Variants in IL1R1 observed in about 807,000 individuals in gnomAD.
IL1R1 encodes the protein interleukin-1 receptor type 1.
In IL1R1, 22 loss-of-function variants were observed where a neutral mutation model predicts 50.2. The ratio of observed to expected loss-of-function variants is 0.44; its 90% CI spans 0.31 to 0.63. The LOEUF (loss-of-function observed/expected upper bound fraction) is 0.63, where lower values mean the gene tolerates loss of function less well. Among genes scored for constraint, IL1R1 ranks in the 20% least tolerant of loss-of-function variants. The pLI is 0.07. For missense variants in IL1R1, 509 were observed against 676.2 expected (o/e 0.75, Z 2.74); for synonymous variants, 251 against 236.7 (o/e 1.06, Z -0.55).
intron 1 of IL1R1, among the ~76,000 whole-genome samples, chr2:102,083,565 A>G (rs1240485863): frequency 6.6e-6 from 1 of 152,120 alleles, no homozygotes; most frequent in East Asian, 1.9e-4. Flanking sequence ...ACACCTGATG[A>G]CACACTTAGG....
intron 1 of IL1R1, among the ~76,000 whole-genome samples, chr2:102,071,806 T>C (rs1175178837): frequency 1.3e-5 from 2 of 152,132 alleles, no homozygotes; most frequent in Non-Finnish European, 2.9e-5. Context: ...GAAGGAGGTG[T>C]GAGATCCACC....
intron 1 of IL1R1, among the ~76,000 whole-genome samples, chr2:102,083,097 G>A (rs1378371395): frequency 6.6e-6 from 1 of 152,160 alleles, no homozygotes; most frequent in African/African-American, 2.4e-5. Flanking sequence ...CTGATGCTCC[G>A]CATGAAGGGA....
intron 11 of IL1R1, chr2:102,176,144 G>A (rs1686112881): frequency 2.1e-5 from 11 of 523,776 alleles, no homozygotes; most frequent in Admixed American, 3.5e-5. Flanking sequence ...CCAAGATCAC[G>A]CCACTGCGCT....
intron 3 of IL1R1, among the ~76,000 whole-genome samples, chr2:102,162,073 A>G (rs1473010008): frequency 6.6e-6 from 1 of 152,178 alleles, no homozygotes; most frequent in Non-Finnish European, 1.5e-5. Context: ...TTTGATAATA[A>G]TAGTCACTCA....
chr2:102,093,381 A>T (rs1252182655), intron 1 of IL1R1, among the ~76,000 whole-genome samples: 1 of 152,226 alleles, frequency 6.6e-6, no homozygotes, highest in Non-Finnish European at 1.5e-5. Context: ...TCTAGATTAG[A>T]TAACAGGTAT....
chr2:102,106,293 A>T (rs1412355267), intron 1 of IL1R1, among the ~76,000 whole-genome samples: 1 of 152,158 alleles, frequency 6.6e-6, no homozygotes. Context: ...GGTGTTTACT[A>T]TAAATGTGTT....
chr2:102,093,999 C>G (rs1400229721), intron 1 of IL1R1, among the ~76,000 whole-genome samples: 6 of 152,156 alleles, frequency 3.9e-5, no homozygotes, highest in Non-Finnish European at 8.8e-5. Context: ...ATGATCTGCC[C>G]TGGGGAAAAC....
In IL1R1 at chr2:102,071,997, C is replaced by T. The variant is rs558107261; in HGVS notation, c.-84+1464C>T. ...CTTGGCCGGGTGTGGTAGCTTATGC[C>T]TGTAATCCCAGCACTTTGGGAGGCC... On this transcript the variant is annotated intron_variant, in intron 1 of 11. Transcript: ENST00000409929. Among the ~76,000 whole-genome samples the T allele has an allele frequency of 1.3e-3, 202 of 152,192 alleles. 3 individuals carry two copies. Among genetic ancestry groups the T allele is most frequent in the South Asian group, 3.7e-3 (18 of 4,822 alleles).
At chr2:102,162,814 T>C (rs988745013) in intron 3 of IL1R1, among the ~76,000 whole-genome samples, 3 of 152,176 alleles carry the variant, frequency 2.0e-5, no homozygotes, top group Non-Finnish European at 4.4e-5. Context: ...GAGATTTAAA[T>C]AATAAGAAAG....
At chr2:102,124,097 C>T (rs773176513) in intron 1 of IL1R1, among the ~76,000 whole-genome samples, 9 of 151,984 alleles carry the variant, frequency 5.9e-5, no homozygotes, top group Non-Finnish European at 1.0e-4. Context: ...AGGGTGGACA[C>T]CTGTATTAGT....
At chr2:102,126,698 C>T (rs1355745677) in intron 1 of IL1R1, among the ~76,000 whole-genome samples, 4 of 151,728 alleles carry the variant, frequency 2.6e-5, no homozygotes, top group Non-Finnish European at 5.9e-5. Flanking sequence ...CACACCCAAC[C>T]AAAAATACTC....
chr2:102,151,850 A>G (rs969301441), intron 1 of IL1R1, among the ~76,000 whole-genome samples: 8 of 152,196 alleles, frequency 5.3e-5, no homozygotes, highest in African/African-American at 1.9e-4. Context: ...ATAGAGGTGC[A>G]TGGAGGTGGA....
chr2:102,165,637 A>G (rs1685119747), intron 5 of IL1R1, among the ~76,000 whole-genome samples: 2 of 152,150 alleles, frequency 1.3e-5, no homozygotes, highest in South Asian at 4.1e-4. Flanking sequence ...GTTTTATTGA[A>G]GATATGGTCT....
Position 102,178,622 on chromosome 2 carries a change from C to T in IL1R1, c.*1863C>T, listed in dbSNP as rs1190464594. ...CTGGCACGTTTGTGAGAAGAAATGA[C>T]ATTTTGCTAGGAAGTGACCGAGTCT... On this transcript the variant is annotated 3_prime_UTR_variant, in exon 12 of 12. Transcript: ENST00000410023. 2 of 152,216 alleles carry T rather than the reference C, an allele frequency of 1.3e-5. No homozygotes were observed. Among genetic ancestry groups the T allele is most frequent in the African/African-American group, 4.8e-5 (2 of 41,394 alleles). 9.4% of individuals were successfully genotyped at this position (152,216 alleles called of 1,614,324 possible).
At chr2:102,104,799 G>A (rs1415175477) in exon 1 of IL1R1, 1 of 152,110 alleles carries the variant, frequency 6.6e-6, no homozygotes, top group African/African-American at 2.4e-5. Flanking sequence ...AAACCTTGTC[G>A]GATTACCCCG....
At chr2:102,075,851 T>C (rs932221055) in intron 1 of IL1R1, among the ~76,000 whole-genome samples, 20 of 152,240 alleles carry the variant, frequency 1.3e-4, no homozygotes, top group African/African-American at 4.8e-4. Context: ...CACAATTGGC[T>C]TTAAGATGAT....
At chr2:102,170,814 A>G (rs982804739) in intron 7 of IL1R1, among the ~76,000 whole-genome samples, 2 of 152,236 alleles carry the variant, frequency 1.3e-5, no homozygotes, top group Admixed American at 1.3e-4. Context: ...TAATTCCAGC[A>G]CTTTGGTAGG....
At chr2:102,147,321 G>C (rs1368514064) in intron 1 of IL1R1, among the ~76,000 whole-genome samples, 1 of 152,182 alleles carries the variant, frequency 6.6e-6, no homozygotes, top group African/African-American at 2.4e-5. Flanking sequence ...TGTAGAGAAG[G>C]CTTAGTCCTC....
chr2:102,113,563 G>A (rs544799519), intron 1 of IL1R1, among the ~76,000 whole-genome samples: 1 of 152,336 alleles, frequency 6.6e-6, no homozygotes, highest in South Asian at 2.1e-4. Context: ...GAGTTAGTGA[G>A]AGGGTAGAAC....
Sources: gnomAD v4.1 joint callset for allele counts (sites outside exome capture counted in the v4.1 genomes callset) on GRCh38, gnomAD v4.1.1 for gene constraint, MANE v1.5 for transcripts, NCBI Gene and HGNC (gene_info 2026-07-23, HGNC 2026-07-21) for gene names.